The following NFX1 variants were observed in gnomAD, a reference collection of about 807,000 sequenced individuals.
The protein encoded by NFX1 is transcriptional repressor NF-X1.
NFX1 carries 69 observed loss-of-function variants against 137.2 expected under a neutral mutation model. The ratio of observed to expected loss-of-function variants is 0.50; its 90% CI spans 0.41 to 0.61. The LOEUF (loss-of-function observed/expected upper bound fraction) is 0.61, where lower values mean the gene tolerates loss of function less well. Ranked by LOEUF, NFX1 falls within the 20% of genes least tolerant of loss-of-function variation. NFX1 has a pLI of 0.00. For missense variants in NFX1, 1,167 were observed against 1,391.0 expected (o/e 0.84, Z 2.56); for synonymous variants, 495 against 474.1 (o/e 1.04, Z -0.57).
In NFX1 at chr9:33,356,368, G is replaced by A. The variant is rs73478934; in HGVS notation, c.2873+1476G>A. Among the ~76,000 whole-genome samples, 16 of 152,120 alleles carry A rather than the reference G, an allele frequency of 1.1e-4. No homozygotes were observed. The South Asian group carries it at 2.7e-3, about 26-fold the overall frequency. ...AATTCTTTATGTATTCTGAATATGA[G>A]TCCTTTGTTGGCTCTATGTATACAT... On this transcript the variant is annotated intron_variant, in intron 19 of 23. Transcript: ENST00000379540.
rs1459054625 is a variant in NFX1, at chr9:33,290,587, T to A, written c.15T>A (p.Pro5=). MAEA[P]PVSGTFKFNT... ...TGCGGCACGGGATGGCGGAGGCGCC[T>A]CCTGTCTCAGGTATTGTCCCGGCCC... The change falls in exon 1 of 24, where the codon CCT becomes CCA. Residue 5 remains proline (P), a synonymous_variant. Coordinates refer to ENST00000379540, the MANE Select transcript of NFX1 (RefSeq NM_002504.6). 6.2e-7 allele frequency: 1 copy of A among 1,613,846 alleles called. No individual in the cohort carries two copies. Among genetic ancestry groups the A allele is most frequent in the African/African-American group, 1.3e-5 (1 of 75,058 alleles).
chr9:33,352,335 A>G, intron 16 of NFX1: 3 of 491,112 alleles, frequency 6.1e-6, no homozygotes, highest in South Asian at 1.6e-5. Flanking sequence ...GGAGTTGGCT[A>G]GGCCACAGTT....
At chr9:33,353,626 G>C (rs1346249431) in intron 17 of NFX1, among the ~76,000 whole-genome samples, 1 of 151,638 alleles carries the variant, frequency 6.6e-6, no homozygotes, top group East Asian at 1.9e-4. Flanking sequence ...TAAATATGTA[G>C]GTAGTTCATA....
chr9:33,367,461 C>A, intron 22 of NFX1, 54 bp from the exon 23 acceptor site: 1 of 1,568,862 alleles, frequency 6.4e-7, no homozygotes, highest in Admixed American at 1.7e-5. Flanking sequence ...GCTTTCTGTC[C>A]ATCTCCACAA....
chr9:33,362,806 C>T (rs141264250), intron 19 of NFX1, among the ~76,000 whole-genome samples: 7,649 of 147,348 alleles, frequency 0.052, 588 homozygotes, highest in African/African-American at 0.17. Context: ...CGGGTTCAAG[C>T]GATTCTCCTG....
At chr9:33,347,842 C>T (rs1438895211) in intron 15 of NFX1, 1 of 166,490 alleles carries the variant, frequency 6.0e-6, no homozygotes, top group Non-Finnish European at 1.3e-5. Context: ...CCATGGAATA[C>T]TACTCAGCCA....
At chr9:33,314,240 C>T (rs1387834399) in intron 7 of NFX1, among the ~76,000 whole-genome samples, 1 of 152,174 alleles carries the variant, frequency 6.6e-6, no homozygotes, top group Non-Finnish European at 1.5e-5. Context: ...CTGCCTGGGC[C>T]TCCCAAAGTG....
intron 15 of NFX1, chr9:33,348,375 A>C (rs1823511388): frequency 6.6e-6 from 1 of 152,104 alleles, no homozygotes; most frequent in Non-Finnish European, 1.5e-5. Flanking sequence ...AATTTTAAAA[A>C]CTACACATTG....
At chr9:33,366,851 T>G in intron 22 of NFX1, 77 bp downstream of exon 22, 1 of 1,496,156 alleles carries the variant, frequency 6.7e-7, no homozygotes, top group Non-Finnish European at 9.0e-7. Context: ...CTGTCAATAC[T>G]TGTCTTTCTT....
chr9:33,306,162 G>T (rs886281329), intron 4 of NFX1, among the ~76,000 whole-genome samples: 16 of 152,158 alleles, frequency 1.1e-4, no homozygotes, highest in African/African-American at 3.4e-4. Flanking sequence ...ACAGGAGAGC[G>T]ATGAGGTGAG....
intron 17 of NFX1, among the ~76,000 whole-genome samples, chr9:33,353,366 A>G (rs1310680754): frequency 6.6e-6 from 1 of 152,102 alleles, no homozygotes; most frequent in Non-Finnish European, 1.5e-5. Flanking sequence ...AAGTCTTGGG[A>G]CCTGTGTAGC....
chr9:33,291,024 T>A (rs1270791544), intron 1 of NFX1, among the ~76,000 whole-genome samples: 4 of 151,952 alleles, frequency 2.6e-5, no homozygotes, highest in Non-Finnish European at 5.9e-5. Flanking sequence ...TAGTTTAGAG[T>A]CTCAGCCTGC....
chr9:33,360,433 ATAG>A (rs1209820551), intron 19 of NFX1, among the ~76,000 whole-genome samples: 1 of 152,214 alleles, frequency 6.6e-6, no homozygotes, highest in Non-Finnish European at 1.5e-5. Context: ...AGCTTGGCAC[ATAG>A]TAGGTACTCA....
Position 33,335,227 on chromosome 9 carries a change from C to CTT in NFX1, c.2035+2744_2035+2745dup, listed in dbSNP as rs57459026. On this transcript the variant is annotated intron_variant, in intron 11 of 23. Transcript: ENST00000379540. ...TCTTCTCTATTTTATCTTTCTTTTT[C>CTT]TTTTTTTTTTTTTTTTTTTTGAGAC... Among the ~76,000 whole-genome samples, 125 of 130,490 alleles carry CTT rather than the reference C, an allele frequency of 9.6e-4. 3 individuals are homozygous for CTT. Among genetic ancestry groups the CTT allele is most frequent in the African/African-American group, 3.5e-3 (109 of 31,122 alleles). 85.6% of individuals were successfully genotyped at this position (130,490 alleles called of 152,430 possible).
rs1821950926 is a variant in NFX1, at chr9:33,311,288, G to A, written c.1448+111G>A. The A allele has an allele frequency of 6.2e-6, 6 of 963,180 alleles. No homozygotes were observed. In the East Asian group the frequency reaches 1.0e-4, roughly 16 times the overall value. 59.7% of individuals were successfully genotyped at this position (963,180 alleles called of 1,614,324 possible). ...GTAGATACAAATAAATGGTAGGCAT[G>A]AATAGTACTTTTTTTTTTTCAGGAG... On this transcript the variant is annotated intron_variant, in intron 6 of 23. Coordinates refer to ENST00000379540, the MANE Select transcript of NFX1 (RefSeq NM_002504.6).
At position 33,299,287 on chromosome 9, in the gene NFX1, G is replaced by A. The variant is rs145753714; in HGVS notation, c.1034-1976G>A. On this transcript the variant is annotated intron_variant, in intron 2 of 23. Coordinates refer to ENST00000379540, the MANE Select transcript of NFX1 (RefSeq NM_002504.6). ...TTGAGGACCCAATCCAGGATACCAC[G>A]TTGCATTTAGTCATGTCTCCTGAGT... 4.6e-5 allele frequency among the ~76,000 whole-genome samples: 7 copies of A among 152,248 alleles called. No individual in the cohort carries two copies. The East Asian group carries it at 5.8e-4, about 13-fold the overall frequency.
intron 9 of NFX1, among the ~76,000 whole-genome samples, chr9:33,320,291 T>C (rs1822337942): frequency 6.6e-6 from 1 of 152,196 alleles, no homozygotes; most frequent in Admixed American, 6.5e-5. Context: ...AAAATTTACA[T>C]TTCATGTTTA....
intron 19 of NFX1, among the ~76,000 whole-genome samples, chr9:33,358,647 A>ATTTTTTTTTTGTTTTTT: frequency 2.1e-5 from 1 of 48,430 alleles, no homozygotes; most frequent in Non-Finnish European, 3.5e-5. Context: ...GAATGGCTTG[A>ATTTTTTTTTTGTTTTTT]TTTTTTTTTT....
At position 33,346,868 on chromosome 9, in the gene NFX1, A is replaced by G. The variant is rs544842247; in HGVS notation, c.2345-170A>G. On this transcript the variant is annotated intron_variant, in intron 14 of 23. Coordinates refer to ENST00000379540, the MANE Select transcript of NFX1 (RefSeq NM_002504.6). ...TTTTCTCACTCATGCTTGTCCTTCA[A>G]CACTTTAACATAAAGCAAGGTACTT... is the stretch of plus-strand genomic sequence containing the variant. Among the ~76,000 whole-genome samples the G allele has an allele frequency of 2.0e-5, 3 of 152,326 alleles. No individual in the cohort carries two copies. In the East Asian group the frequency reaches 5.8e-4, roughly 29 times the overall value.
Sources: allele counts gnomAD v4.1 joint callset (sites outside exome capture counted in the v4.1 genomes callset), GRCh38; gene constraint gnomAD v4.1.1; transcripts MANE v1.5; gene names NCBI Gene and HGNC (gene_info 2026-07-23, HGNC 2026-07-21).